Variants in ZNF385B observed in about 807,000 individuals in gnomAD.
ZNF385B encodes the protein zinc finger protein 533.
A neutral mutation model predicts 39.2 loss-of-function variants in ZNF385B; 23 were observed. That is an observed-to-expected ratio of 0.59 (90% CI 0.42 to 0.83). The LOEUF (loss-of-function observed/expected upper bound fraction) is 0.83, where lower values mean the gene tolerates loss of function less well. Ranked by LOEUF, ZNF385B falls within the 40% of genes least tolerant of loss-of-function variation. The probability of loss-of-function intolerance (pLI) is 0.00; values close to 1 mark genes in which losing one functional copy is unlikely to be tolerated. For missense variants in ZNF385B, 552 were observed against 598.9 expected (o/e 0.92, Z 0.82); for synonymous variants, 205 against 222.6 (o/e 0.92, Z 0.70).
intron 3 of ZNF385B, among the ~76,000 whole-genome samples, chr2:179,663,637 G>T (rs956990371): frequency 3.3e-5 from 5 of 150,240 alleles, no homozygotes; most frequent in African/African-American, 1.2e-4. Flanking sequence ...GTGAACTCGG[G>T]AGGCGGAGCT....
At chr2:179,778,940 T>G (rs561843889) in intron 1 of ZNF385B, among the ~76,000 whole-genome samples, 5 of 152,370 alleles carry the variant, frequency 3.3e-5, no homozygotes, top group Non-Finnish European at 5.9e-5. Flanking sequence ...TCATTCATGT[T>G]TATTTCTAGC....
chr2:179,584,903 C>T (rs1317674237), intron 3 of ZNF385B, among the ~76,000 whole-genome samples: 1 of 152,094 alleles, frequency 6.6e-6, no homozygotes, highest in East Asian at 1.9e-4. Flanking sequence ...CTGACAGTGA[C>T]AAGGGAGACA....
intron 3 of ZNF385B, among the ~76,000 whole-genome samples, chr2:179,731,400 T>C (rs867590191): frequency 3.3e-5 from 5 of 151,938 alleles, no homozygotes; most frequent in South Asian, 2.1e-4. Flanking sequence ...TCACAAAATC[T>C]TTGCCATGTG....
chr2:179,669,534 A>C (rs1017718907), intron 3 of ZNF385B, among the ~76,000 whole-genome samples: 1 of 152,246 alleles, frequency 6.6e-6, no homozygotes, highest in African/African-American at 2.4e-5. Flanking sequence ...TTAGTGGCCT[A>C]GCCAGAAGCA....
intron 1 of ZNF385B, among the ~76,000 whole-genome samples, chr2:179,833,449 G>T (rs1156839900): frequency 6.6e-6 from 1 of 152,026 alleles, no homozygotes; most frequent in African/African-American, 2.4e-5. Context: ...AAATTTAAAA[G>T]ATTTACAATT....
chr2:179,759,632 A>T (rs984338069), intron 3 of ZNF385B, among the ~76,000 whole-genome samples: 11 of 152,090 alleles, frequency 7.2e-5, no homozygotes, highest in African/African-American at 2.4e-4. Context: ...TTTGAAACTC[A>T]TCTTTGAGTA....
At chr2:179,500,015 T>C (rs1325927017) in intron 5 of ZNF385B, among the ~76,000 whole-genome samples, 1 of 151,828 alleles carries the variant, frequency 6.6e-6, no homozygotes, top group African/African-American at 2.4e-5. Context: ...GTGAAAAAGA[T>C]ATAAAAAAGT....
intron 3 of ZNF385B, among the ~76,000 whole-genome samples, chr2:179,606,797 A>G (rs1688842334): frequency 6.6e-6 from 1 of 152,184 alleles, no homozygotes; most frequent in African/African-American, 2.4e-5. Flanking sequence ...ATTGCTAGGG[A>G]TAACTATTCA....
intron 3 of ZNF385B, chr2:179,562,331 T>A: frequency 1.1e-6 from 1 of 927,858 alleles, no homozygotes; most frequent in Non-Finnish European, 1.3e-6. Flanking sequence ...ACCTGTTTTA[T>A]ATTTTTGTCA....
intron 3 of ZNF385B, among the ~76,000 whole-genome samples, chr2:179,762,239 G>T (rs1338487402): frequency 1.3e-5 from 2 of 152,050 alleles, no homozygotes; most frequent in African/African-American, 4.8e-5. Flanking sequence ...GCCCAGGCTG[G>T]AGTGCAGTGG....
rs1183266310 is a variant in ZNF385B at position 179,794,079 on chromosome 2, C to T, written c.-154-23407G>A. On this transcript the variant is annotated intron_variant, in intron 1 of 9. Transcript: ENST00000410066. ...CTGGATTTGTATCCATTATGCCTTT[C>T]TGTGTTGCCTCCAATGACTGCCTTC... Among the ~76,000 whole-genome samples, 3 of 152,184 alleles carry T rather than the reference C, an allele frequency of 2.0e-5. No homozygotes were observed. In the East Asian group the frequency reaches 5.8e-4, roughly 29 times the overall value.
chr2:179,480,022 C>G (rs2053828019), intron 6 of ZNF385B, among the ~76,000 whole-genome samples: 1 of 152,138 alleles, frequency 6.6e-6, no homozygotes, highest in Non-Finnish European at 1.5e-5. Context: ...TGCTCAGCTA[C>G]TGATGCTAAA....
At chr2:179,755,859 A>C (rs1702981331) in intron 3 of ZNF385B, among the ~76,000 whole-genome samples, 1 of 152,172 alleles carries the variant, frequency 6.6e-6, no homozygotes, top group South Asian at 2.1e-4. Context: ...TGAATACAGC[A>C]CACTGATAGG....
intron 4 of ZNF385B, among the ~76,000 whole-genome samples, chr2:179,540,640 C>T (rs992501241): frequency 3.3e-5 from 5 of 152,152 alleles, no homozygotes; most frequent in African/African-American, 9.7e-5. Context: ...AACTGGGACC[C>T]TTTCCTCTCT....
chr2:179,662,326 T>G (rs1376279764), intron 3 of ZNF385B, among the ~76,000 whole-genome samples: 2 of 152,194 alleles, frequency 1.3e-5, no homozygotes, highest in East Asian at 1.9e-4. Flanking sequence ...CAGAGGGGCT[T>G]TTTTAAACGT....
chr2:179,855,017 G>C (rs950317545), intron 1 of ZNF385B, among the ~76,000 whole-genome samples: 1 of 151,902 alleles, frequency 6.6e-6, no homozygotes, highest in Non-Finnish European at 1.5e-5. Flanking sequence ...TAACAATCTC[G>C]ATAATCATGA....
chr2:179,730,276 C>T (rs1701305716), intron 3 of ZNF385B, among the ~76,000 whole-genome samples: 1 of 152,174 alleles, frequency 6.6e-6, no homozygotes, highest in Non-Finnish European at 1.5e-5. Flanking sequence ...CATATTACCA[C>T]CACCTGTGAA....
At chr2:179,845,838 G>A (rs1267701621) in intron 1 of ZNF385B, among the ~76,000 whole-genome samples, 1 of 152,138 alleles carries the variant, frequency 6.6e-6, no homozygotes, top group African/African-American at 2.4e-5. Context: ...AAGGTGGTCT[G>A]GATATCTTAG....
chr2:179,844,682 G>T (rs1218422859), intron 1 of ZNF385B, among the ~76,000 whole-genome samples: 1 of 152,182 alleles, frequency 6.6e-6, no homozygotes, highest in Non-Finnish European at 1.5e-5. Flanking sequence ...CACTGATACT[G>T]CAAAAAGGTT....
Sources: gnomAD v4.1 joint callset for allele counts (sites outside exome capture counted in the v4.1 genomes callset) on GRCh38, gnomAD v4.1.1 for gene constraint, MANE v1.5 for transcripts, NCBI Gene and HGNC (gene_info 2026-07-23, HGNC 2026-07-21) for gene names.